PDE10A: variants seen among roughly 807,000 people sequenced by gnomAD.
PDE10A encodes the protein phosphodiesterase 10A, also known as cAMP and cAMP-inhibited cGMP 3',5'-cyclic phosphodiesterase 10A.
A neutral mutation model predicts 97.7 loss-of-function variants in PDE10A; 39 were observed. The observed-to-expected ratio is 0.40, with a 90% CI of 0.31 to 0.52. The LOEUF is 0.52. Ranked by LOEUF, PDE10A falls within the 20% of genes least tolerant of loss-of-function variation. The probability of loss-of-function intolerance (pLI) is 0.56; values close to 1 mark genes in which losing one functional copy is unlikely to be tolerated. For missense variants in PDE10A, 731 were observed against 1,047.8 expected (o/e 0.70, Z 4.17); for synonymous variants, 371 against 376.8 (o/e 0.98, Z 0.18).
intron 3 of PDE10A, among the ~76,000 whole-genome samples, chr6:165,459,584 T>G (rs969050534): frequency 5.9e-5 from 9 of 151,434 alleles, no homozygotes; most frequent in Non-Finnish European, 7.4e-5. Context: ...GATAGATATA[T>G]ATATATATAT....
chr6:165,816,350 A>G lies in PDE10A; in HGVS notation c.-615+171179T>C, dbSNP rs971051118. Among the ~76,000 whole-genome samples, 8 of 152,352 alleles carry G rather than the reference A, an allele frequency of 5.3e-5. No individual in the cohort carries two copies. The East Asian group carries it at 7.7e-4, about 15-fold the overall frequency. On this transcript the variant is annotated intron_variant, in intron 1 of 19. Transcript: ENST00000366882. ...GTTAATATTTATTGATTGATCATTC[A>G]CTACATCCTCACTCTGCTAGTTCCC...
Position 165,330,576 on chromosome 6 carries a change from A to AT in PDE10A, c.*2448dup, listed in dbSNP as rs1781286201. 1.3e-5 allele frequency: 2 copies of AT among 152,176 alleles called. No homozygotes were observed. Among genetic ancestry groups the AT allele is most frequent in the African/African-American group, 2.4e-5 (1 of 41,446 alleles). The allele number at this position is 152,176 out of a possible 1,614,324, so 9.4% of individuals were successfully genotyped here. A position where few individuals can be genotyped will look rare whatever the true frequency, so the allele number is the denominator to read the frequency against. Reference sequence around the variant, plus strand: ...CAAGCTGTGCTTCTATTATGACAATATTTCACAAGAAATTAACCAACCAGT... The same window carrying AT: ...CAAGCTGTGCTTCTATTATGACAATATTTTCACAAGAAATTAACCAACCAGT... On this transcript the variant is annotated 3_prime_UTR_variant, in exon 22 of 22. Transcript: ENST00000539869.
intron 1 of PDE10A, among the ~76,000 whole-genome samples, chr6:165,854,268 C>T (rs560019400): frequency 7.0e-4 from 107 of 152,244 alleles, no homozygotes; most frequent in Admixed American, 1.4e-3. Context: ...GGAATCGCCC[C>T]TGCGCCGGGT....
rs1365939712 is a variant in PDE10A at position 165,662,086 on chromosome 6, G to A, written c.726C>T (p.Gly242=). The A allele has an allele frequency of 3.2e-6, 4 of 1,238,330 alleles. No homozygotes were observed. The highest frequency in any genetic ancestry group is 4.3e-5 in the South Asian group (2 of 46,178). The allele number at this position is 1,238,330 out of a possible 1,614,324, so 76.7% of individuals were successfully genotyped here. ...CGCCCTGGGGACGCCGCGGAGTTTG[G>A]CCGCCGCCGCCTGGGCCGGCGCCGG... ...GFPGAGPGGG[G]QTPRRPQGAS... The change falls in exon 1 of 22, where the codon GGC becomes GGT. Residue 242 remains glycine, a synonymous_variant. Coordinates refer to ENST00000539869, the MANE Select transcript of PDE10A (RefSeq NM_001385079.1).
chr6:165,969,225 G>A (rs1784600464), intron 1 of PDE10A, among the ~76,000 whole-genome samples: 1 of 152,144 alleles, frequency 6.6e-6, no homozygotes, highest in African/African-American at 2.4e-5. Flanking sequence ...TCAATAAGGT[G>A]GCAGAGTACA....
chr6:165,554,391 G>A (rs1784152613), intron 1 of PDE10A, among the ~76,000 whole-genome samples: 1 of 151,958 alleles, frequency 6.6e-6, no homozygotes, highest in Non-Finnish European at 1.5e-5. Context: ...ACATACAAAT[G>A]GCAAACAGGA....
At chr6:165,965,382 G>T (rs750236925) in intron 1 of PDE10A, among the ~76,000 whole-genome samples, 75 of 152,154 alleles carry the variant, frequency 4.9e-4, no homozygotes, top group Non-Finnish European at 9.6e-4. Flanking sequence ...CTCTTGATGA[G>T]TCTGGGGTAT....
chr6:165,463,682 C>G (rs866146577), intron 3 of PDE10A, among the ~76,000 whole-genome samples: 1 of 152,184 alleles, frequency 6.6e-6, no homozygotes. Context: ...TAAGCCCCCC[C>G]CAAAAATCTG....
intron 1 of PDE10A, among the ~76,000 whole-genome samples, chr6:165,855,052 G>A (rs1780689273): frequency 6.6e-6 from 1 of 151,698 alleles, no homozygotes; most frequent in Admixed American, 6.6e-5. Context: ...AATGAAGAGG[G>A]AAGGAGGACG....
rs556132798 is a variant in PDE10A at position 165,760,345 on chromosome 6, G to A, written c.-614-216777C>T. Among the ~76,000 whole-genome samples the A allele has an allele frequency of 1.6e-4, 24 of 152,256 alleles. No individual in the cohort carries two copies. In the South Asian group the frequency reaches 3.7e-3, roughly 24 times the overall value. ...TCCTGGGTCATTTACTGCAGCCACCGAAAAACCAGACACGTGACTCCTCAC... is the reference window on the plus strand; with the variant it reads ...TCCTGGGTCATTTACTGCAGCCACCAAAAAACCAGACACGTGACTCCTCAC... On this transcript the variant is annotated intron_variant, in intron 1 of 19. Transcript: ENST00000366882.
In PDE10A at chr6:165,622,673, A is replaced by C. The variant is rs1788201976; in HGVS notation, c.865+39274T>G. Reference sequence around the variant, plus strand: ...ATGTAGACATGCACACACACACACAAAGTGGGGCCATCAGAAAACATGTTC... The same window carrying C: ...ATGTAGACATGCACACACACACACACAGTGGGGCCATCAGAAAACATGTTC... On this transcript the variant is annotated intron_variant, in intron 1 of 21. Transcript: ENST00000539869. Among the ~76,000 whole-genome samples, 3 of 152,332 alleles carry C rather than the reference A, an allele frequency of 2.0e-5. No individual in the cohort carries two copies. The South Asian group carries it at 6.2e-4, about 32-fold the overall frequency.
At chr6:165,523,659 T>C (rs373670477) in intron 2 of PDE10A, among the ~76,000 whole-genome samples, 8 of 152,202 alleles carry the variant, frequency 5.3e-5, no homozygotes, top group East Asian at 1.9e-4. Flanking sequence ...CCTAAAACTA[T>C]AAAAATCTTA....
intron 1 of PDE10A, among the ~76,000 whole-genome samples, chr6:165,613,117 C>T (rs1370156789): frequency 6.6e-6 from 1 of 152,086 alleles, no homozygotes; most frequent in African/African-American, 2.4e-5. Flanking sequence ...AAACAAATCC[C>T]TTATTTTGAT....
intron 1 of PDE10A, among the ~76,000 whole-genome samples, chr6:165,957,455 TG>T (rs1481438298): frequency 6.6e-6 from 1 of 152,152 alleles, no homozygotes; most frequent in African/African-American, 2.4e-5. Context: ...CACTCCAGCC[TG>T]GGCAACAGAG....
intron 1 of PDE10A, among the ~76,000 whole-genome samples, chr6:165,983,726 T>C (rs908767262): frequency 3.3e-5 from 5 of 152,230 alleles, no homozygotes; most frequent in Non-Finnish European, 7.3e-5. Flanking sequence ...CATATATACT[T>C]TTCTCTGTTT....
chr6:165,779,763 T>C lies in PDE10A; in HGVS notation c.-615+207766A>G, dbSNP rs184193794. Reference sequence around the variant, plus strand: ...TGTTCGACTGCTGTGATGCAGCTCCTGTCTCCCAGGGGCTCCCTGCACCTC... The same window carrying C: ...TGTTCGACTGCTGTGATGCAGCTCCCGTCTCCCAGGGGCTCCCTGCACCTC... On this transcript the variant is annotated intron_variant, in intron 1 of 19. Transcript: ENST00000366882. 3.9e-4 allele frequency among the ~76,000 whole-genome samples: 60 copies of C among 152,292 alleles called. 3 individuals carry two copies. In the East Asian group the frequency reaches 7.3e-3, roughly 19 times the overall value.
At chr6:165,715,700 T>G (rs537979401) in intron 1 of PDE10A, among the ~76,000 whole-genome samples, 40 of 152,256 alleles carry the variant, frequency 2.6e-4, no homozygotes, top group Non-Finnish European at 4.4e-5. Flanking sequence ...TCAGGTGGTT[T>G]GTCCAGGAAA....
intron 18 of PDE10A, among the ~76,000 whole-genome samples, chr6:165,360,566 T>C (rs1483198511): frequency 6.6e-6 from 1 of 152,058 alleles, no homozygotes; most frequent in Non-Finnish European, 1.5e-5. Context: ...TGGGAGGACA[T>C]GGATGGATTT....
At chr6:165,690,591 G>A (rs1791244858) in intron 1 of PDE10A, among the ~76,000 whole-genome samples, 1 of 152,136 alleles carries the variant, frequency 6.6e-6, no homozygotes, top group Non-Finnish European at 1.5e-5. Flanking sequence ...TGATGGGTTG[G>A]TAGGATGGTG....
Sources: allele counts gnomAD v4.1 joint callset (sites outside exome capture counted in the v4.1 genomes callset), GRCh38; gene constraint gnomAD v4.1.1; transcripts MANE v1.5; gene names NCBI Gene and HGNC (gene_info 2026-07-23, HGNC 2026-07-21).